The following PCDHAC1 variants were observed in gnomAD, a reference collection of about 807,000 sequenced individuals.
PCDHAC1 encodes protocadherin alpha subfamily C, 1.
A neutral mutation model predicts 60.0 loss-of-function variants in PCDHAC1; 42 were observed. The ratio of observed to expected loss-of-function variants is 0.70; its 90% CI spans 0.55 to 0.90. The LOEUF (loss-of-function observed/expected upper bound fraction) is 0.90. Among genes scored for constraint, PCDHAC1 ranks in the 40% least tolerant of loss-of-function variants. The pLI is 0.00. For synonymous variants in PCDHAC1, 468 were observed against 499.3 expected, an observed-to-expected ratio of 0.94 and a Z score of 0.84; for missense variants, 1,160 against 1,222.3, an observed-to-expected ratio of 0.95 and a Z score of 0.76.
rs182070121 is a variant in PCDHAC1, at chr5:140,953,927, G to A, written c.2433+24602G>A. On this transcript the variant is annotated intron_variant, in intron 1 of 3. Coordinates refer to ENST00000253807, the MANE Select transcript of PCDHAC1 (RefSeq NM_018898.5). ...GCATCCATTAGGTATTCTTCCTGAT[G>A]CTCTCCCTCCCATTGCTCCCCCAAC... Among the ~76,000 whole-genome samples the A allele has an allele frequency of 2.1e-3, 313 of 152,142 alleles. 1 individual carries two copies. The highest frequency in any genetic ancestry group is 7.1e-3 in the African/African-American group (295 of 41,500).
At chr5:140,957,473 GA>G (rs1446179332) in intron 1 of PCDHAC1, among the ~76,000 whole-genome samples, 1 of 151,954 alleles carries the variant, frequency 6.6e-6, no homozygotes, top group Non-Finnish European at 1.5e-5. Context: ...GTATGTATAG[GA>G]AAAAACATAG....
At chr5:140,994,785 A>G (rs942763350) in intron 3 of PCDHAC1, among the ~76,000 whole-genome samples, 2 of 152,168 alleles carry the variant, frequency 1.3e-5, no homozygotes, top group African/African-American at 4.8e-5. Flanking sequence ...AAAGGAAACA[A>G]TGCGTGCATG....
chr5:141,010,146 C>T lies in PCDHAC1; in HGVS notation c.*209C>T. 2 of 1,584,410 alleles carry T rather than the reference C, an allele frequency of 1.3e-6. No homozygotes were observed. Among genetic ancestry groups the T allele is most frequent in the Non-Finnish European group, 1.7e-6 (2 of 1,164,258 alleles). On this transcript the variant is annotated 3_prime_UTR_variant, in exon 4 of 4. Coordinates refer to ENST00000253807, the MANE Select transcript of PCDHAC1 (RefSeq NM_018898.5). ...TAAGTCTGGTGTTAACTCTTTCTCTCCACTCTGGCTTGTTTTCAGAACCTA... is the reference window on the plus strand; with the variant it reads ...TAAGTCTGGTGTTAACTCTTTCTCTTCACTCTGGCTTGTTTTCAGAACCTA...
chr5:140,926,405 T>C lies in PCDHAC1; in HGVS notation c.-488T>C, dbSNP rs1554203436. 1 of 152,454 alleles carries C rather than the reference T, an allele frequency of 6.6e-6. No homozygotes were observed. Among genetic ancestry groups the C allele is most frequent in the Non-Finnish European group, 1.5e-5 (1 of 68,324 alleles). 9.4% of individuals were successfully genotyped at this position (152,454 alleles called of 1,614,324 possible). A position where few individuals can be genotyped will look rare whatever the true frequency, so the allele number is the denominator to read the frequency against. On this transcript the variant is annotated 5_prime_UTR_variant, in exon 1 of 4. Coordinates refer to ENST00000253807, the MANE Select transcript of PCDHAC1 (RefSeq NM_018898.5). ...TGGGCTCAGCCACAGTTATCAGCAA[T>C]CTGCGGGCAGAGGATGTGGAGGTTA... is the stretch of plus-strand genomic sequence containing the variant.
chr5:141,002,157 GGGC>G (rs797024683), intron 3 of PCDHAC1, among the ~76,000 whole-genome samples: 4 of 152,372 alleles, frequency 2.6e-5, no homozygotes, highest in African/African-American at 9.6e-5. Flanking sequence ...TTAGCAGAGT[GGGC>G]GGTAGGCAGG....
Position 140,927,497 on chromosome 5 carries a change from T to A in PCDHAC1, c.605T>A (p.Val202Glu). The change falls in exon 1 of 4, where the codon GTG becomes GAG. Residue 202 changes from valine (V) to glutamate (E), a missense_variant. This residue lies in a region of PCDHAC1 where 1,113 missense variants were observed against 1,163.7 expected (regional missense o/e 0.96). Transcript: ENST00000253807. Reference protein sequence around the residue: ...DREQRATHLLVLTARDGGLPA... With the variant: ...DREQRATHLLELTARDGGLPA... ...GAACAGCGCGCCACCCACCTGCTGGTGCTTACAGCTCGGGACGGCGGGCTA... is the reference window on the plus strand; with the variant it reads ...GAACAGCGCGCCACCCACCTGCTGGAGCTTACAGCTCGGGACGGCGGGCTA... The A allele has an allele frequency of 6.2e-7, 1 of 1,614,094 alleles. No individual in the cohort carries two copies. Among genetic ancestry groups the A allele is most frequent in the Non-Finnish European group, 8.5e-7 (1 of 1,180,030 alleles).
At chr5:140,990,130 G>A (rs1448603304) in intron 3 of PCDHAC1, among the ~76,000 whole-genome samples, 1 of 152,066 alleles carries the variant, frequency 6.6e-6, no homozygotes, top group Admixed American at 6.6e-5. Flanking sequence ...GTAGAAGTCA[G>A]ACTCAAGAGG....
chr5:141,010,158 G>A lies in PCDHAC1; in HGVS notation c.*221G>A. 6.4e-7 allele frequency: 1 copy of A among 1,570,690 alleles called. No homozygotes were observed. Among genetic ancestry groups the A allele is most frequent in the Non-Finnish European group, 8.6e-7 (1 of 1,156,884 alleles). On this transcript the variant is annotated 3_prime_UTR_variant, in exon 4 of 4. Coordinates refer to ENST00000253807, the MANE Select transcript of PCDHAC1 (RefSeq NM_018898.5). Reference sequence around the variant, plus strand: ...TAACTCTTTCTCTCCACTCTGGCTTGTTTTCAGAACCTAAAAAGCAGACCC... The same window carrying A: ...TAACTCTTTCTCTCCACTCTGGCTTATTTTCAGAACCTAAAAAGCAGACCC...
At chr5:140,980,555 G>A (rs1050580342) in intron 2 of PCDHAC1, among the ~76,000 whole-genome samples, 1 of 152,068 alleles carries the variant, frequency 6.6e-6, no homozygotes, top group Non-Finnish European at 1.5e-5. Flanking sequence ...GCTTGAACCC[G>A]GGAGGCGGAA....
At position 140,927,110 on chromosome 5, in the gene PCDHAC1, G is replaced by T; in HGVS notation, c.218G>T (p.Gly73Val). The T allele has an allele frequency of 3.7e-6, 6 of 1,613,752 alleles. No individual in the cohort carries two copies. The Middle Eastern group carries it at 8.3e-4, about 222-fold the overall frequency. Residue 73 changes from glycine to valine, a missense_variant, in exon 1 of 4, where the codon GGC becomes GTC. Transcript: ENST00000253807. ...ELYFGVDLPS[G>V]NLVVREPADR... is the part of the protein sequence containing the mutation. ...TACTTCGGGGTGGATCTACCCAGCG[G>T]CAATTTGGTGGTCAGAGAGCCGGCG...
intron 1 of PCDHAC1, chr5:140,966,838 G>T: frequency 6.4e-7 from 1 of 1,566,772 alleles, no homozygotes. Flanking sequence ...CCTGGCTGCT[G>T]CTACTGCCTC....
In PCDHAC1 at chr5:140,928,452, G is replaced by T; in HGVS notation, c.1560G>T (p.Gly520=). The T allele has an allele frequency of 1.9e-6, 3 of 1,614,126 alleles. No homozygotes were observed. Among genetic ancestry groups the T allele is most frequent in the Non-Finnish European group, 2.5e-6 (3 of 1,180,012 alleles). The change falls in exon 1 of 4, where the codon GGG becomes GGT. Residue 520 remains glycine (G), a synonymous_variant. Coordinates refer to ENST00000253807, the MANE Select transcript of PCDHAC1 (RefSeq NM_018898.5). The part of the protein sequence containing the change: ...KTSFDFEQLR[G]FHFQVEGRDG... ...CCTTTGACTTTGAGCAGCTCAGGGG[G>T]TTTCATTTCCAAGTAGAAGGCCGGG...
intron 1 of PCDHAC1, among the ~76,000 whole-genome samples, chr5:140,951,315 C>A (rs782114634): frequency 6.6e-6 from 1 of 151,988 alleles, no homozygotes; most frequent in Non-Finnish European, 1.5e-5. Context: ...ATGTGTTATT[C>A]TTGAGATTCA....
rs140124026 is a variant in PCDHAC1, at chr5:140,973,683, C to T, written c.2434-5266C>T. On this transcript the variant is annotated intron_variant, in intron 1 of 3. Coordinates refer to ENST00000253807, the MANE Select transcript of PCDHAC1 (RefSeq NM_018898.5). ...TTTATTGTAGCTTGAATGTCATTGG[C>T]CTACTGTTTCCTTCTGACCCAGGAG... is the stretch of plus-strand genomic sequence containing the variant. Among the ~76,000 whole-genome samples, 5 of 152,316 alleles carry T rather than the reference C, an allele frequency of 3.3e-5. No homozygotes were observed. The East Asian group carries it at 7.7e-4, about 24-fold the overall frequency.
intron 1 of PCDHAC1, among the ~76,000 whole-genome samples, chr5:140,941,214 C>CCTTCTTTCTTTCTTT (rs1554214040): frequency 8.2e-6 from 1 of 122,414 alleles, no homozygotes; most frequent in Non-Finnish European, 1.7e-5. Context: ...TTTCTTTCTT[C>CCTTCTTTCTTTCTTT]CTTTCTTTCT....
rs1554228572 is a variant in PCDHAC1 at position 140,966,716 on chromosome 5, G to A, written c.2434-12233G>A. On this transcript the variant is annotated intron_variant, in intron 1 of 3. Transcript: ENST00000253807. Reference sequence around the variant, plus strand: ...GGCCCGGGCGTGGGGCACGGCTGGGGAAGCTGCCGCCTCCGGCCCTGCCCG... The same window carrying A: ...GGCCCGGGCGTGGGGCACGGCTGGGAAAGCTGCCGCCTCCGGCCCTGCCCG... The A allele has an allele frequency of 2.3e-5, 32 of 1,394,682 alleles. No homozygotes were observed. The South Asian group carries it at 5.0e-4, about 22-fold the overall frequency. The allele number at this position is 1,394,682 out of a possible 1,614,324, so 86.4% of individuals were successfully genotyped here. A position where few individuals can be genotyped will look rare whatever the true frequency, so the allele number is the denominator to read the frequency against.
intron 1 of PCDHAC1, chr5:140,929,602 A>G: frequency 2.4e-6 from 1 of 417,610 alleles, no homozygotes; most frequent in Non-Finnish European, 4.3e-6. Flanking sequence ...CTAAAATTAA[A>G]AATAAAATAC....
chr5:140,973,590 A>G (rs562109843), intron 1 of PCDHAC1, among the ~76,000 whole-genome samples: 3 of 152,340 alleles, frequency 2.0e-5, no homozygotes, highest in Non-Finnish European at 4.4e-5. Context: ...GCTGAGCCAG[A>G]TGGAATTATG....
intron 1 of PCDHAC1, among the ~76,000 whole-genome samples, chr5:140,950,594 G>C (rs1469063256): frequency 6.6e-6 from 1 of 152,040 alleles, no homozygotes; most frequent in African/African-American, 2.4e-5. Flanking sequence ...TGGTTTAGAA[G>C]TTTGACTATG....
Sources: gnomAD v4.1 joint callset for allele counts (sites outside exome capture counted in the v4.1 genomes callset) on GRCh38, gnomAD v4.1.1 for gene constraint, gnomAD v4.1.1 regional missense constraint, MANE v1.5 for transcripts, NCBI Gene and HGNC (gene_info 2026-07-23, HGNC 2026-07-21) for gene names.